Variants in SLC35F4 observed in about 807,000 individuals in gnomAD.
The protein encoded by SLC35F4 is chromosome 14 open reading frame 36.
SLC35F4 carries 24 observed loss-of-function variants against 44.2 expected under a neutral mutation model. The observed-to-expected ratio is 0.54, with a 90% confidence interval of 0.39 to 0.76. SLC35F4 has a LOEUF of 0.76. Among genes scored for constraint, SLC35F4 ranks in the 30% least tolerant of loss-of-function variants. The pLI, the probability that SLC35F4 is intolerant of heterozygous loss-of-function variation, is 0.00. For missense variants in SLC35F4, 562 were observed against 586.1 expected (o/e 0.96, Z 0.42); for synonymous variants, 238 against 223.6 (o/e 1.06, Z -0.57).
chr14:57,717,615 G>A (rs562206721), intron 1 of SLC35F4, among the ~76,000 whole-genome samples: 1 of 152,288 alleles, frequency 6.6e-6, no homozygotes, highest in Non-Finnish European at 1.5e-5. Flanking sequence ...CAGCCTGGGC[G>A]ACAGAGCGAG....
At chr14:57,731,645 C>T (rs2076347839) in intron 1 of SLC35F4, among the ~76,000 whole-genome samples, 1 of 152,150 alleles carries the variant, frequency 6.6e-6, no homozygotes, top group Non-Finnish European at 1.5e-5. Flanking sequence ...TTGAGCACTG[C>T]CTTTAATCTG....
At chr14:57,767,389 T>A (rs1002450270) in intron 1 of SLC35F4, among the ~76,000 whole-genome samples, 1 of 152,014 alleles carries the variant, frequency 6.6e-6, no homozygotes, top group Non-Finnish European at 1.5e-5. Flanking sequence ...TAGAAATGAG[T>A]AACAGAAAGA....
rs72624748 is a variant in SLC35F4 at position 57,909,358 on chromosome 14, T to C, written n.282+72555A>G. The stretch of plus-strand genomic sequence containing the variant: ...CATTCTATGGGATTTGATAAATATA[T>C]AGTAACAAGTATCCCCATTTAGTAT... On this transcript the variant is annotated intron_variant and non_coding_transcript_variant, in intron 1 of 1. Transcript: ENST00000556568. 0.025 allele frequency among the ~76,000 whole-genome samples: 3,843 copies of C among 152,134 alleles called. 431 individuals carry two copies. The East Asian group carries it at 0.4, about 16-fold the overall frequency.
intron 1 of SLC35F4, among the ~76,000 whole-genome samples, chr14:57,694,906 A>G (rs1290016622): frequency 1.3e-5 from 2 of 152,186 alleles, no homozygotes; most frequent in Non-Finnish European, 2.9e-5. Flanking sequence ...TCTCATATTA[A>G]TTTAAAACTC....
At chr14:57,946,469 C>CTTTTTTTTTTTTT (rs71104596) in intron 1 of SLC35F4, among the ~76,000 whole-genome samples, 1 of 78,214 alleles carries the variant, frequency 1.3e-5, no homozygotes, top group Non-Finnish European at 2.4e-5. Context: ...GTTTTCTTTT[C>CTTTTTTTTTTTTT]TTTTTTTTTT....
chr14:57,955,734 G>T (rs998899707), intron 1 of SLC35F4, among the ~76,000 whole-genome samples: 2 of 152,032 alleles, frequency 1.3e-5, no homozygotes, highest in African/African-American at 4.8e-5. Context: ...AACTTACAAC[G>T]GATGTGAAGG....
chr14:57,896,376 T>C (rs1230915628), intron 1 of SLC35F4, among the ~76,000 whole-genome samples: 1 of 152,204 alleles, frequency 6.6e-6, no homozygotes, highest in African/African-American at 2.4e-5. Context: ...ATTTCATTTA[T>C]ACTCATTTCA....
intron 1 of SLC35F4, among the ~76,000 whole-genome samples, chr14:57,663,629 C>T (rs988968018): frequency 2.6e-5 from 4 of 152,104 alleles, no homozygotes; most frequent in South Asian, 2.1e-4. Context: ...TCCAGTTAGT[C>T]GGTAACACGT....
intron 1 of SLC35F4, among the ~76,000 whole-genome samples, chr14:57,766,135 G>A (rs1308343491): frequency 6.6e-6 from 1 of 152,152 alleles, no homozygotes; most frequent in Non-Finnish European, 1.5e-5. Context: ...TAGCCCAGGA[G>A]GCACATAAAG....
chr14:57,580,244 C>T (rs2069150066), intron 4 of SLC35F4, among the ~76,000 whole-genome samples: 1 of 152,126 alleles, frequency 6.6e-6, no homozygotes, highest in South Asian at 2.1e-4. Flanking sequence ...GGGTTAATGA[C>T]CATCATAAAC....
chr14:57,841,161 G>A (rs991151772), intron 1 of SLC35F4, among the ~76,000 whole-genome samples: 2 of 152,070 alleles, frequency 1.3e-5, no homozygotes, highest in Admixed American at 1.3e-4. Context: ...AGCTGTACAG[G>A]GCATGGCTAA....
At chr14:57,799,216 C>T (rs958192853) in intron 1 of SLC35F4, among the ~76,000 whole-genome samples, 3 of 152,222 alleles carry the variant, frequency 2.0e-5, no homozygotes, top group East Asian at 1.9e-4. Flanking sequence ...AAGAAACCCC[C>T]ACCCCCAGCC....
chr14:57,966,606 G>A lies in SLC35F4; in HGVS notation n.282+15307C>T, dbSNP rs568645465. Among the ~76,000 whole-genome samples, 3 of 152,316 alleles carry A rather than the reference G, an allele frequency of 2.0e-5. 1 individual carries two copies. The South Asian group carries it at 6.2e-4, about 32-fold the overall frequency. ...GCAATTTACGTGGGGAATAGAGAAA[G>A]CACTTCTTAGAAATTAAAAATCTGA... On this transcript the variant is annotated intron_variant and non_coding_transcript_variant, in intron 1 of 1. Transcript: ENST00000556568.
intron 1 of SLC35F4, among the ~76,000 whole-genome samples, chr14:57,737,032 A>G (rs578256348): frequency 1.3e-5 from 2 of 151,828 alleles, no homozygotes; most frequent in South Asian, 4.2e-4. Context: ...ATGCTTACTT[A>G]GTGTTTTTGC....
At chr14:57,724,453 T>C (rs1469195462) in intron 1 of SLC35F4, among the ~76,000 whole-genome samples, 1 of 152,204 alleles carries the variant, frequency 6.6e-6, no homozygotes, top group African/African-American at 2.4e-5. Context: ...TAAGTCACCA[T>C]GTGAACTGAA....
chr14:57,982,546 G>A (rs1348636139), upstream of SLC35F4, among the ~76,000 whole-genome samples: 2 of 152,064 alleles, frequency 1.3e-5, no homozygotes, highest in Non-Finnish European at 1.5e-5. Flanking sequence ...ATGAGCAGAA[G>A]CAAAGGGCAG....
chr14:57,732,364 C>T (rs1399740603), intron 1 of SLC35F4, among the ~76,000 whole-genome samples: 1 of 151,962 alleles, frequency 6.6e-6, no homozygotes, highest in Non-Finnish European at 1.5e-5. Flanking sequence ...AAAACAAGCA[C>T]AGTAAAGTTA....
At chr14:57,905,671 C>A (rs1049467807) in intron 1 of SLC35F4, among the ~76,000 whole-genome samples, 1 of 152,144 alleles carries the variant, frequency 6.6e-6, no homozygotes, top group African/African-American at 2.4e-5. Flanking sequence ...TGCTCAGACT[C>A]AGCTCCAGCA....
At chr14:57,910,183 G>A (rs1889189321) in intron 1 of SLC35F4, among the ~76,000 whole-genome samples, 2 of 151,786 alleles carry the variant, frequency 1.3e-5, no homozygotes, top group Non-Finnish European at 2.9e-5. Flanking sequence ...AGAATCCTTT[G>A]TATATTTTGT....
Sources: gnomAD v4.1 joint callset for allele counts (sites outside exome capture counted in the v4.1 genomes callset) on GRCh38, gnomAD v4.1.1 for gene constraint, MANE v1.5 for transcripts, NCBI Gene and HGNC (gene_info 2026-07-23, HGNC 2026-07-21) for gene names.